The following WASF3 variants were observed in gnomAD, a reference collection of about 807,000 sequenced individuals.
WASF3 encodes the protein actin-binding protein WASF3.
WASF3 carries 11 observed loss-of-function variants against 46.6 expected under a neutral mutation model. That is an observed-to-expected ratio of 0.24 (90% CI 0.15 to 0.39). WASF3 has a LOEUF of 0.39. Ranked by LOEUF, WASF3 falls within the 10% of genes least tolerant of loss-of-function variation. WASF3 has a pLI of 1.00. For missense variants in WASF3, 576 were observed against 669.8 expected (o/e 0.86, Z 1.55); for synonymous variants, 242 against 259.7 (o/e 0.93, Z 0.65).
At chr13:26,546,851 CCA>C in the WASF3 span, among the ~76,000 whole-genome samples, 1 of 152,312 alleles carries the variant, frequency 6.6e-6, no homozygotes, top group East Asian at 1.9e-4. Flanking sequence ...GGAGAGAAGC[CCA>C]CATTGCAAAG....
At chr13:26,665,851 T>C (rs1474425612) in intron 4 of WASF3, among the ~76,000 whole-genome samples, 1 of 152,164 alleles carries the variant, frequency 6.6e-6, no homozygotes, top group African/African-American at 2.4e-5. Flanking sequence ...GCTTAAAAAG[T>C]ACAAAATATA....
chr13:26,616,629 C>T (rs1593150310), intron 2 of WASF3, among the ~76,000 whole-genome samples: 1 of 152,108 alleles, frequency 6.6e-6, no homozygotes, highest in Non-Finnish European at 1.5e-5. Context: ...GCACTTTCCC[C>T]AACTCCCATA....
intron 1 of WASF3, among the ~76,000 whole-genome samples, chr13:26,573,993 T>A (rs532447554): frequency 1.3e-5 from 2 of 152,376 alleles, no homozygotes; most frequent in Admixed American, 1.3e-4. Flanking sequence ...TAATTTTCCA[T>A]TGTATAACTG....
At chr13:26,595,062 G>A (rs1293408166) in intron 1 of WASF3, among the ~76,000 whole-genome samples, 2 of 152,146 alleles carry the variant, frequency 1.3e-5, no homozygotes, top group Non-Finnish European at 1.5e-5. Flanking sequence ...GTGTATGTTT[G>A]TATCATAGAC....
rs554042737 is a variant in WASF3 at position 26,586,193 on chromosome 13, A to C, written c.-108-26768A>C. 7.2e-5 allele frequency among the ~76,000 whole-genome samples: 11 copies of C among 152,252 alleles called. No homozygotes were observed. The South Asian group carries it at 2.3e-3, about 32-fold the overall frequency. On this transcript the variant is annotated intron_variant, in intron 1 of 9. Coordinates refer to ENST00000335327, the MANE Select transcript of WASF3 (RefSeq NM_006646.6). ...TATTTGCCCTTTATTGTTTTTCAAT[A>C]ATATTTTGAAAGACGTTTTCTTCTT... is the stretch of plus-strand genomic sequence containing the variant.
At chr13:26,575,535 T>G (rs1055048315) in intron 1 of WASF3, among the ~76,000 whole-genome samples, 5 of 152,222 alleles carry the variant, frequency 3.3e-5, no homozygotes, top group Admixed American at 3.3e-4. Context: ...TTGGCAGAAC[T>G]GAGAACATAG....
intron 2 of WASF3, chr13:26,638,381 C>G (rs1881894424): frequency 6.6e-6 from 1 of 152,154 alleles, no homozygotes. Flanking sequence ...TGAGACATTT[C>G]CCAGAAAAGC....
At chr13:26,562,775 A>G (rs891503619) in intron 1 of WASF3, among the ~76,000 whole-genome samples, 28 of 150,100 alleles carry the variant, frequency 1.9e-4, no homozygotes, top group Admixed American at 5.3e-4. Context: ...TCTTTCCCAA[A>G]CTTGATTATG....
chr13:26,654,495 C>A (rs1317149353), intron 3 of WASF3, among the ~76,000 whole-genome samples: 2 of 152,182 alleles, frequency 1.3e-5, no homozygotes, highest in African/African-American at 2.4e-5. Context: ...CCATAATACA[C>A]CCTTCATGAG....
At chr13:26,648,839 G>C (rs1882228488) in intron 3 of WASF3, among the ~76,000 whole-genome samples, 1 of 152,112 alleles carries the variant, frequency 6.6e-6, no homozygotes, top group South Asian at 2.1e-4. Context: ...GCAAGTATAA[G>C]AGCCCCACCA....
chr13:26,632,298 G>C (rs1047126738), intron 2 of WASF3, among the ~76,000 whole-genome samples: 1 of 152,150 alleles, frequency 6.6e-6, no homozygotes, highest in Non-Finnish European at 1.5e-5. Flanking sequence ...GTATGATATT[G>C]GCTGTGGGTT....
chr13:26,569,185 GT>G (rs956205544), intron 1 of WASF3, among the ~76,000 whole-genome samples: 55 of 151,704 alleles, frequency 3.6e-4, no homozygotes, highest in African/African-American at 9.2e-4. Flanking sequence ...ATAGAGGAAA[GT>G]TTTTTTTTGT....
chr13:26,621,884 G>C (rs1013807624), intron 2 of WASF3, among the ~76,000 whole-genome samples: 2 of 152,100 alleles, frequency 1.3e-5, no homozygotes, highest in Admixed American at 6.6e-5. Flanking sequence ...GTGCTGTAAA[G>C]TGGAGGCAGG....
At chr13:26,670,835 C>T (rs1031342057) in intron 5 of WASF3, among the ~76,000 whole-genome samples, 7 of 152,276 alleles carry the variant, frequency 4.6e-5, no homozygotes, top group East Asian at 1.9e-4. Flanking sequence ...TCAGACATAG[C>T]GACTAGAATA....
At chr13:26,671,099 A>G (rs888584531) in intron 5 of WASF3, among the ~76,000 whole-genome samples, 1 of 152,224 alleles carries the variant, frequency 6.6e-6, no homozygotes, top group East Asian at 1.9e-4. Flanking sequence ...CAAAAGCATT[A>G]ATAGAAAACA....
At chr13:26,606,971 G>A (rs765766285) in intron 1 of WASF3, 1 of 152,176 alleles carries the variant, frequency 6.6e-6, no homozygotes, top group Non-Finnish European at 1.5e-5. Flanking sequence ...GTATGTTGGT[G>A]TAATTGTTCT....
the WASF3 span, among the ~76,000 whole-genome samples, chr13:26,545,045 C>G: frequency 1.3e-5 from 2 of 152,230 alleles, no homozygotes; most frequent in Admixed American, 1.3e-4. Flanking sequence ...AGAAACCATG[C>G]TGAAGGCACT....
intron 2 of WASF3, among the ~76,000 whole-genome samples, chr13:26,632,982 G>A (rs765300932): frequency 3.9e-5 from 6 of 152,110 alleles, no homozygotes; most frequent in African/African-American, 7.2e-5. Context: ...AGTATTCTCC[G>A]ATGGTAGTTT....
intron 1 of WASF3, among the ~76,000 whole-genome samples, chr13:26,563,431 G>A (rs981643055): frequency 6.6e-6 from 1 of 151,916 alleles, no homozygotes; most frequent in Non-Finnish European, 1.5e-5. Context: ...TTGGGAGGCT[G>A]ATCACCTCAG....
Sources: gnomAD v4.1 joint callset for allele counts (sites outside exome capture counted in the v4.1 genomes callset) on GRCh38, gnomAD v4.1.1 for gene constraint, MANE v1.5 for transcripts, NCBI Gene and HGNC (gene_info 2026-07-23, HGNC 2026-07-21) for gene names.